Variants in MAPKAP1 observed in about 807,000 individuals in gnomAD.
The protein encoded by MAPKAP1 is MAPK associated protein 1, also known as target of rapamycin complex 2 subunit MAPKAP1.
In MAPKAP1, 20 loss-of-function variants were observed where a neutral mutation model predicts 65.7. The observed-to-expected ratio is 0.30, with a 90% CI of 0.21 to 0.44. The LOEUF is 0.44. Ranked by LOEUF, MAPKAP1 falls within the 20% of genes least tolerant of loss-of-function variation. The pLI is 1.00. For missense variants in MAPKAP1, 423 were observed against 648.0 expected (o/e 0.65, Z 3.77); for synonymous variants, 222 against 244.3 (o/e 0.91, Z 0.85).
intron 3 of MAPKAP1, 61 bp from the exon 4 acceptor site, chr9:125,657,860 C>T: frequency 6.5e-7 from 1 of 1,533,230 alleles, no homozygotes. Flanking sequence ...TGTCCACCTT[C>T]CCTAAAAAGT....
At chr9:125,553,556 G>A (rs995676730) in intron 6 of MAPKAP1, among the ~76,000 whole-genome samples, 1 of 151,692 alleles carries the variant, frequency 6.6e-6, no homozygotes, top group African/African-American at 2.4e-5. Context: ...AAATGGGAGG[G>A]GAGGGGAGGG....
At chr9:125,591,247 C>A (rs762109446) in intron 4 of MAPKAP1, among the ~76,000 whole-genome samples, 4 of 152,186 alleles carry the variant, frequency 2.6e-5, no homozygotes, top group Non-Finnish European at 5.9e-5. Flanking sequence ...TAAATGTAAT[C>A]AATTCCTACT....
intron 4 of MAPKAP1, among the ~76,000 whole-genome samples, chr9:125,622,966 C>A (rs1832954286): frequency 6.6e-6 from 1 of 152,142 alleles, no homozygotes; most frequent in Non-Finnish European, 1.5e-5. Flanking sequence ...GCCGCCACAC[C>A]TGATTGGTTT....
At chr9:125,500,353 T>C (rs1369707762) in intron 8 of MAPKAP1, among the ~76,000 whole-genome samples, 1 of 141,078 alleles carries the variant, frequency 7.1e-6, no homozygotes, top group Non-Finnish European at 1.5e-5. Flanking sequence ...ATCCCTGGCT[T>C]TTTTTTTTTT....
intron 4 of MAPKAP1, chr9:125,652,230 T>C (rs1314108736): frequency 7.7e-7 from 1 of 1,304,258 alleles, no homozygotes; most frequent in Non-Finnish European, 1.0e-6. Context: ...CATTTGTTCA[T>C]AATTATCCGA....
chr9:125,627,187 T>A (rs1833141472), intron 4 of MAPKAP1, among the ~76,000 whole-genome samples: 1 of 152,154 alleles, frequency 6.6e-6, no homozygotes, highest in South Asian at 2.1e-4. Context: ...GAACAGAAAC[T>A]ACTGCAATGT....
intron 4 of MAPKAP1, among the ~76,000 whole-genome samples, chr9:125,629,632 T>G: frequency 6.6e-6 from 1 of 152,198 alleles, no homozygotes; most frequent in East Asian, 1.9e-4. Flanking sequence ...AGGGAAGTTG[T>G]TCAATGGACA....
At chr9:125,706,733 C>T (rs1393454524) in intron 1 of MAPKAP1, among the ~76,000 whole-genome samples, 1 of 151,998 alleles carries the variant, frequency 6.6e-6, no homozygotes, top group Non-Finnish European at 1.5e-5. Flanking sequence ...CACCCCCCAC[C>T]CCCACACTAC....
chr9:125,697,358 T>C lies in MAPKAP1; in HGVS notation c.-70+9613A>G, dbSNP rs141758085. On this transcript the variant is annotated intron_variant, in intron 1 of 11. Transcript: ENST00000265960. Reference sequence around the variant, plus strand: ...CTATGATTTATTTTTAAATAATTTGTTTATCAAAGAACATTTCTAAAACTG... The same window carrying C: ...CTATGATTTATTTTTAAATAATTTGCTTATCAAAGAACATTTCTAAAACTG... Among the ~76,000 whole-genome samples, 1,406 of 150,672 alleles carry C rather than the reference T, an allele frequency of 9.3e-3. 15 individuals are homozygous for C. Among genetic ancestry groups the C allele is most frequent in the Admixed American group, 0.012 (179 of 15,262 alleles).
rs35917056 is a variant in MAPKAP1 at position 125,597,264 on chromosome 9, C to CA, written c.499-11538dup. Among the ~76,000 whole-genome samples, 267 of 52,662 alleles carry CA rather than the reference C, an allele frequency of 5.1e-3. 26 individuals are homozygous for CA. Among genetic ancestry groups the CA allele is most frequent in the Middle Eastern group, 0.026 (1 of 38 alleles). 34.5% of individuals were successfully genotyped at this position (52,662 alleles called of 152,430 possible). A position where few individuals can be genotyped will look rare whatever the true frequency, so the allele number is the denominator to read the frequency against. On this transcript the variant is annotated intron_variant, in intron 4 of 11. Coordinates refer to ENST00000265960, the MANE Select transcript of MAPKAP1 (RefSeq NM_001006617.3). The stretch of plus-strand genomic sequence containing the variant: ...TGGACGACAGAGCGAGACTCCGTCT[C>CA]AAAAAAAAAAAAAAAAAAAAAAAAA...
At chr9:125,670,170 G>A (rs951652865) in intron 2 of MAPKAP1, among the ~76,000 whole-genome samples, 4 of 152,188 alleles carry the variant, frequency 2.6e-5, no homozygotes, top group Non-Finnish European at 5.9e-5. Context: ...ATAATAAAAT[G>A]TGAAAACTTC....
chr9:125,681,949 C>CA (rs1834835449), intron 1 of MAPKAP1, among the ~76,000 whole-genome samples: 1 of 152,122 alleles, frequency 6.6e-6, no homozygotes, highest in Non-Finnish European at 1.5e-5. Flanking sequence ...TTTGTAGAGA[C>CA]AAGAGTCTTG....
At chr9:125,703,973 C>T (rs1490527686) in intron 1 of MAPKAP1, among the ~76,000 whole-genome samples, 1 of 152,022 alleles carries the variant, frequency 6.6e-6, no homozygotes, top group Non-Finnish European at 1.5e-5. Context: ...AAACAAGCTC[C>T]CCCACCAAAA....
chr9:125,543,091 A>C lies in MAPKAP1; in HGVS notation c.926T>G (p.Val309Gly). Residue 309 changes from valine (V) to glycine (G), a missense_variant, in exon 7 of 12, where the codon GTG becomes GGG. Around this residue, in one of 6 missense-constraint regions of MAPKAP1, gnomAD observed 98 missense variants for 200.5 expected, o/e 0.49. Coordinates refer to ENST00000265960, the MANE Select transcript of MAPKAP1 (RefSeq NM_001006617.3). ...TTTCTGGGATCCTTTTCTTCGCTTC[A>C]CTGCCTTCAGTAAGATTTCCTTCAT... The part of the protein sequence containing the change: ...VTMKEILLKA[V>G]KRRKGSQKVS... 1 of 1,613,806 alleles carries C rather than the reference A, an allele frequency of 6.2e-7. No individual in the cohort carries two copies. Among genetic ancestry groups the C allele is most frequent in the Non-Finnish European group, 8.5e-7 (1 of 1,179,656 alleles).
intron 7 of MAPKAP1, among the ~76,000 whole-genome samples, chr9:125,527,678 T>C (rs1335512615): frequency 2.6e-5 from 4 of 152,190 alleles, no homozygotes; most frequent in Non-Finnish European, 4.4e-5. Flanking sequence ...CTTTTCTTTT[T>C]CTGCAATACA....
intron 10 of MAPKAP1, among the ~76,000 whole-genome samples, chr9:125,464,514 G>A (rs10513448): frequency 0.06 from 9,125 of 152,164 alleles, 814 homozygotes; most frequent in African/African-American, 0.2. Context: ...CTCAAGGCTT[G>A]TGATACACAG....
chr9:125,537,966 G>A (rs764980330), intron 7 of MAPKAP1, among the ~76,000 whole-genome samples: 26 of 152,006 alleles, frequency 1.7e-4, no homozygotes, highest in Non-Finnish European at 1.0e-4. Flanking sequence ...TGAGTGCCCA[G>A]GGTCTCTTCC....
At chr9:125,705,662 T>A (rs1564625343) in intron 1 of MAPKAP1, among the ~76,000 whole-genome samples, 1 of 152,208 alleles carries the variant, frequency 6.6e-6, no homozygotes, top group Admixed American at 6.5e-5. Context: ...GTTAAATAAT[T>A]GTAGATAAAA....
At chr9:125,692,518 T>C (rs1835200865) in intron 1 of MAPKAP1, among the ~76,000 whole-genome samples, 1 of 152,202 alleles carries the variant, frequency 6.6e-6, no homozygotes, top group South Asian at 2.1e-4. Flanking sequence ...TGACTATTAA[T>C]GAATATGAGA....
Sources: allele counts gnomAD v4.1 joint callset (sites outside exome capture counted in the v4.1 genomes callset), GRCh38; gene constraint gnomAD v4.1.1; regional missense constraint gnomAD v4.1.1; transcripts MANE v1.5; gene names NCBI Gene and HGNC (gene_info 2026-07-23, HGNC 2026-07-21).